LPAR1: variants seen among roughly 807,000 people sequenced by gnomAD.
LPAR1 encodes the protein lysophosphatidic acid receptor 1.
Under a neutral mutation model 23.8 loss-of-function variants are expected in LPAR1, and 5 were observed. The ratio of observed to expected loss-of-function variants is 0.21; its 90% CI spans 0.11 to 0.44. The LOEUF (loss-of-function observed/expected upper bound fraction) is 0.44, where lower values mean the gene tolerates loss of function less well. Ranked by LOEUF, LPAR1 falls within the 20% of genes least tolerant of loss-of-function variation. LPAR1 has a pLI of 0.99. For synonymous variants in LPAR1, 160 were observed against 164.7 expected, an observed-to-expected ratio of 0.97 and a Z score of 0.22; for missense variants, 311 against 482.8, an observed-to-expected ratio of 0.64 and a Z score of 3.33.
At chr9:110,886,783 A>T (rs897756239) in intron 5 of LPAR1, among the ~76,000 whole-genome samples, 3 of 152,192 alleles carry the variant, frequency 2.0e-5, no homozygotes, top group African/African-American at 7.2e-5. Flanking sequence ...AAAAGTTTTA[A>T]AAAGCAAAAT....
At chr9:110,909,531 A>AT (rs1290787695) in intron 5 of LPAR1, among the ~76,000 whole-genome samples, 4 of 152,072 alleles carry the variant, frequency 2.6e-5, no homozygotes, top group Non-Finnish European at 5.9e-5. Flanking sequence ...GGCTCATTAC[A>AT]TTTTTTAGAA....
intron 4 of LPAR1, among the ~76,000 whole-genome samples, chr9:110,965,644 A>T (rs1185225852): frequency 6.6e-6 from 1 of 152,228 alleles, no homozygotes; most frequent in Non-Finnish European, 1.5e-5. Context: ...GAGGATGTGG[A>T]GAAATGGGAA....
chr9:111,032,357 C>A (rs183264383), intron 2 of LPAR1, among the ~76,000 whole-genome samples: 219 of 152,174 alleles, frequency 1.4e-3, no homozygotes, highest in Non-Finnish European at 2.5e-3. Flanking sequence ...GTCAAGTGCC[C>A]CCGCTTGGTG....
At chr9:110,985,568 G>T (rs1421486828) in intron 2 of LPAR1, among the ~76,000 whole-genome samples, 1 of 151,982 alleles carries the variant, frequency 6.6e-6, no homozygotes, top group African/African-American at 2.4e-5. Context: ...TGATGGGCCA[G>T]GTCAGGTATT....
chr9:110,878,019 G>A (rs2079582415), intron 5 of LPAR1, among the ~76,000 whole-genome samples: 1 of 152,146 alleles, frequency 6.6e-6, no homozygotes, highest in Admixed American at 6.5e-5. Context: ...CTGCTAGACT[G>A]AAGGCAGGAA....
intron 2 of LPAR1, among the ~76,000 whole-genome samples, chr9:110,988,535 C>G (rs1241923889): frequency 6.6e-6 from 1 of 151,928 alleles, no homozygotes; most frequent in African/African-American, 2.4e-5. Context: ...AAATGGCTAA[C>G]AAGAATATGA....
intron 2 of LPAR1, 150 bp downstream of exon 2, chr9:111,035,972 G>A (rs900990376): frequency 1.3e-5 from 2 of 152,166 alleles, no homozygotes; most frequent in African/African-American, 4.8e-5. Context: ...TTCTTTGAAC[G>A]TTCCAGTAGG....
chr9:110,958,858 T>TA (rs199964171), intron 4 of LPAR1, among the ~76,000 whole-genome samples: 24,092 of 128,604 alleles, frequency 0.19, 2,741 homozygotes, highest in East Asian at 0.6. Flanking sequence ...AGTCAAGAGT[T>TA]AAAAAAAAAA....
chr9:111,030,572 AG>A (rs1432322570), intron 2 of LPAR1, among the ~76,000 whole-genome samples: 2 of 152,168 alleles, frequency 1.3e-5, no homozygotes, highest in Non-Finnish European at 2.9e-5. Context: ...ACCTAACAAA[AG>A]GTTCACAGAT....
At chr9:110,971,832 C>G (rs1017071637) in intron 4 of LPAR1, among the ~76,000 whole-genome samples, 2 of 149,036 alleles carry the variant, frequency 1.3e-5, no homozygotes, top group Non-Finnish European at 3.0e-5. Context: ...ATCCTAAGCA[C>G]TGAAAACCAA....
At chr9:110,938,143 A>C (rs1170020250) in intron 5 of LPAR1, among the ~76,000 whole-genome samples, 1 of 152,234 alleles carries the variant, frequency 6.6e-6, no homozygotes, top group Non-Finnish European at 1.5e-5. Flanking sequence ...GGCAACGTGG[A>C]GAAAACAAAC....
intron 5 of LPAR1, among the ~76,000 whole-genome samples, chr9:110,899,099 G>A (rs1044982017): frequency 1.3e-5 from 2 of 152,134 alleles, no homozygotes; most frequent in African/African-American, 4.8e-5. Context: ...GTTAAGAATG[G>A]AATGTTAAGA....
intron 2 of LPAR1, among the ~76,000 whole-genome samples, chr9:111,000,206 T>C (rs560530746): frequency 3.3e-5 from 5 of 152,336 alleles, no homozygotes; most frequent in African/African-American, 1.2e-4. Flanking sequence ...AAAGAAGTTT[T>C]TTCATAAATC....
At chr9:111,015,585 C>G (rs2097428211) in intron 2 of LPAR1, among the ~76,000 whole-genome samples, 1 of 152,062 alleles carries the variant, frequency 6.6e-6, no homozygotes, top group South Asian at 2.1e-4. Context: ...AGTTGTTGAT[C>G]AAAGGGCACA....
At chr9:110,986,855 G>T (rs546861035) in intron 2 of LPAR1, among the ~76,000 whole-genome samples, 1 of 152,224 alleles carries the variant, frequency 6.6e-6, no homozygotes, top group Non-Finnish European at 1.5e-5. Context: ...TTGGGAGAAT[G>T]AATCAAAATC....
rs186992028 is a variant in LPAR1, at chr9:110,991,705, T to A, written c.-181-18147A>T. Among the ~76,000 whole-genome samples, 5 of 152,154 alleles carry A rather than the reference T, an allele frequency of 3.3e-5. No homozygotes were observed. The East Asian group carries it at 9.6e-4, about 29-fold the overall frequency. Reference sequence around the variant, plus strand: ...CTCACTGCAACCTCCGCCTCCCAGGTTCGAGCAATTCTCCTGCCTCAGCCT... The same window carrying A: ...CTCACTGCAACCTCCGCCTCCCAGGATCGAGCAATTCTCCTGCCTCAGCCT... On this transcript the variant is annotated intron_variant, in intron 2 of 5. Transcript: ENST00000683809.
At chr9:110,949,263 A>G (rs1400626724) in intron 4 of LPAR1, among the ~76,000 whole-genome samples, 1 of 152,168 alleles carries the variant, frequency 6.6e-6, no homozygotes, top group African/African-American at 2.4e-5. Flanking sequence ...CTCATCTTCC[A>G]AAAGGAAAAA....
At chr9:110,949,934 G>A (rs568029181) in intron 4 of LPAR1, among the ~76,000 whole-genome samples, 104 of 152,114 alleles carry the variant, frequency 6.8e-4, no homozygotes, top group Middle Eastern at 3.4e-3. Context: ...AATTGAAAGA[G>A]AGAAAAAAAG....
intron 2 of LPAR1, among the ~76,000 whole-genome samples, chr9:111,020,446 T>C (rs993092782): frequency 1.3e-5 from 2 of 152,202 alleles, no homozygotes; most frequent in African/African-American, 4.8e-5. Flanking sequence ...GAGATTCCCT[T>C]GAACAATCAG....
Sources: allele counts gnomAD v4.1 joint callset (sites outside exome capture counted in the v4.1 genomes callset), GRCh38; gene constraint gnomAD v4.1.1; transcripts MANE v1.5; gene names NCBI Gene and HGNC (gene_info 2026-07-23, HGNC 2026-07-21).